Variants in CSGALNACT1 observed in about 807,000 individuals in gnomAD.
The protein encoded by CSGALNACT1 is beta4GalNAcT-1.
CSGALNACT1 carries 52 observed loss-of-function variants against 51.0 expected under a neutral mutation model. The ratio of observed to expected loss-of-function variants is 1.02; its 90% CI spans 0.82 to 1.29. The LOEUF (loss-of-function observed/expected upper bound fraction) is 1.29. CSGALNACT1 is among the 50% of genes most tolerant of loss of function. The pLI is 0.00. For synonymous variants in CSGALNACT1, 341 were observed against 254.4 expected, an observed-to-expected ratio of 1.34 and a Z score of -3.24; for missense variants, 935 against 679.2, an observed-to-expected ratio of 1.38 and a Z score of -4.19.
At chr8:19,689,333 G>T (rs192370518) in intron 1 of CSGALNACT1, among the ~76,000 whole-genome samples, 1 of 152,110 alleles carries the variant, frequency 6.6e-6, no homozygotes, top group South Asian at 2.1e-4. Context: ...CCAGGACCCC[G>T]GCCCTGGACC....
chr8:19,504,373 G>A (rs1236584263), intron 4 of CSGALNACT1, among the ~76,000 whole-genome samples: 1 of 152,198 alleles, frequency 6.6e-6, no homozygotes, highest in Non-Finnish European at 1.5e-5. Context: ...ACTGCACCCG[G>A]CCAGATGAAT....
chr8:19,752,167 GTATA>G (rs1201826872), intron 1 of CSGALNACT1, among the ~76,000 whole-genome samples: 1 of 146,798 alleles, frequency 6.8e-6, no homozygotes, highest in Admixed American at 6.8e-5. Flanking sequence ...TCATATATGA[GTATA>G]TATTCATATC....
rs1159242984 is a variant in CSGALNACT1 at position 19,662,074 on chromosome 8, A to ACCCCCCCCCC, written c.-544+20389_-544+20398dup. 2.0e-4 allele frequency among the ~76,000 whole-genome samples: 7 copies of ACCCCCCCCCC among 35,038 alleles called. 1 individual carries two copies. The highest frequency in any genetic ancestry group is 1.3e-3 in the East Asian group (1 of 776). 23.0% of individuals were successfully genotyped at this position (35,038 alleles called of 152,430 possible). A position where few individuals can be genotyped will look rare whatever the true frequency, so the allele number is the denominator to read the frequency against. On this transcript the variant is annotated intron_variant, in intron 1 of 9. Coordinates refer to the CSGALNACT1 transcript ENST00000332246. ...ATTACAGTTGCCCCCACCCCCCCCCACCCCCCCCCCCCCCCGCATCTTCAG... is the reference window on the plus strand; with the variant it reads ...ATTACAGTTGCCCCCACCCCCCCCCACCCCCCCCCCCCCCCCCCCCCCCCCGCATCTTCAG...
chr8:19,688,117 C>T (rs900098650), intron 1 of CSGALNACT1, among the ~76,000 whole-genome samples: 2 of 152,180 alleles, frequency 1.3e-5, no homozygotes, highest in South Asian at 4.1e-4. Context: ...TTGACACCCC[C>T]AGAGTGAACA....
intron 3 of CSGALNACT1, among the ~76,000 whole-genome samples, chr8:19,570,957 C>T (rs1050964435): frequency 7.2e-5 from 11 of 152,104 alleles, no homozygotes; most frequent in East Asian, 1.9e-4. Flanking sequence ...AACAACAAAA[C>T]GTACAGAGAT....
chr8:19,751,971 T>A (rs1397321650), intron 1 of CSGALNACT1, among the ~76,000 whole-genome samples: 1 of 151,348 alleles, frequency 6.6e-6, no homozygotes, highest in Non-Finnish European at 1.5e-5. Flanking sequence ...GACTAATACA[T>A]GTGTATATTT....
chr8:19,662,821 G>A (rs1250594688), intron 1 of CSGALNACT1, among the ~76,000 whole-genome samples: 4 of 152,064 alleles, frequency 2.6e-5, no homozygotes, highest in East Asian at 1.9e-4. Context: ...CCATCAGCTG[G>A]GGCACTAGCA....
At chr8:19,624,135 A>T (rs1002722096) in intron 1 of CSGALNACT1, among the ~76,000 whole-genome samples, 1 of 152,146 alleles carries the variant, frequency 6.6e-6, no homozygotes, top group Non-Finnish European at 1.5e-5. Flanking sequence ...CGGTCCCTAG[A>T]CTATTTGGAC....
At chr8:19,667,097 A>AGAG in intron 1 of CSGALNACT1, among the ~76,000 whole-genome samples, 1 of 58,154 alleles carries the variant, frequency 1.7e-5, no homozygotes, top group Middle Eastern at 9.6e-3. Context: ...GAAAGAAAGA[A>AGAG]AGGGAAAGAA....
chr8:19,693,878 A>C (rs892877903), intron 1 of CSGALNACT1, among the ~76,000 whole-genome samples: 1 of 152,146 alleles, frequency 6.6e-6, no homozygotes, highest in Non-Finnish European at 1.5e-5. Context: ...AAGTTAACAC[A>C]CACTCTGAGG....
At chr8:19,641,303 G>A (rs1409629690) in intron 1 of CSGALNACT1, among the ~76,000 whole-genome samples, 2 of 151,982 alleles carry the variant, frequency 1.3e-5, no homozygotes, top group Admixed American at 6.6e-5. Flanking sequence ...TTTCTCCAGT[G>A]ATAACAGATG....
At chr8:19,636,747 T>C (rs2056118450) in intron 1 of CSGALNACT1, among the ~76,000 whole-genome samples, 1 of 152,230 alleles carries the variant, frequency 6.6e-6, no homozygotes, top group African/African-American at 2.4e-5. Flanking sequence ...GGAATAACTT[T>C]AGAGTCTTCC....
At chr8:19,573,076 T>G (rs1381016803) in intron 3 of CSGALNACT1, among the ~76,000 whole-genome samples, 3 of 152,216 alleles carry the variant, frequency 2.0e-5, no homozygotes, top group Non-Finnish European at 4.4e-5. Flanking sequence ...TTTCACCTCC[T>G]GCCAGCAGAT....
chr8:19,476,135 T>A (rs1417379008), intron 4 of CSGALNACT1, among the ~76,000 whole-genome samples: 1 of 152,214 alleles, frequency 6.6e-6, no homozygotes, highest in Non-Finnish European at 1.5e-5. Context: ...AGATGTCAAC[T>A]GAATATGGCC....
At chr8:19,576,301 T>C (rs992148325) in intron 3 of CSGALNACT1, among the ~76,000 whole-genome samples, 3 of 114,400 alleles carry the variant, frequency 2.6e-5, no homozygotes, top group African/African-American at 1.1e-4. Context: ...GTTCATGAGA[T>C]TCTCCTGCCT....
At chr8:19,616,718 G>A (rs1289478740) in intron 1 of CSGALNACT1, among the ~76,000 whole-genome samples, 2 of 152,054 alleles carry the variant, frequency 1.3e-5, no homozygotes, top group Non-Finnish European at 2.9e-5. Flanking sequence ...CTCACCATGT[G>A]ATGTATCTGC....
intron 1 of CSGALNACT1, among the ~76,000 whole-genome samples, chr8:19,614,274 C>G (rs1457714727): frequency 6.6e-6 from 1 of 152,138 alleles, no homozygotes; most frequent in Non-Finnish European, 1.5e-5. Flanking sequence ...AACTGAGACT[C>G]GAAAGGCTAA....
intron 1 of CSGALNACT1, among the ~76,000 whole-genome samples, chr8:19,665,202 C>A (rs145595825): frequency 2.0e-3 from 309 of 152,192 alleles, no homozygotes; most frequent in African/African-American, 7.1e-3. Flanking sequence ...TTAGTGCAGA[C>A]GGTGTCGTAC....
At chr8:19,503,692 A>G (rs1330690302) in intron 4 of CSGALNACT1, among the ~76,000 whole-genome samples, 1 of 152,018 alleles carries the variant, frequency 6.6e-6, no homozygotes, top group Non-Finnish European at 1.5e-5. Context: ...CATGATTCTA[A>G]TTTTGAACTC....
Sources: gnomAD v4.1 joint callset for allele counts (sites outside exome capture counted in the v4.1 genomes callset) on GRCh38, gnomAD v4.1.1 for gene constraint, MANE v1.5 for transcripts, NCBI Gene and HGNC (gene_info 2026-07-23, HGNC 2026-07-21) for gene names.